Variants in RLN1 observed in about 807,000 individuals in gnomAD.
The protein encoded by RLN1 is relaxin 1, also known as prorelaxin H1.
In RLN1, 4 loss-of-function variants were observed where a neutral mutation model predicts 7.2. That is an observed-to-expected ratio of 0.56 (90% CI 0.28 to 1.28). The LOEUF is 1.28. Among genes scored for constraint, RLN1 ranks in the 50% most tolerant of loss-of-function variants. The pLI is 0.11. For missense variants in RLN1, 293 were observed against 221.1 expected, an observed-to-expected ratio of 1.32 and a Z score of -2.06; for synonymous variants, 105 against 86.0, an observed-to-expected ratio of 1.22 and a Z score of -1.22.
Position 5,335,273 on chromosome 9 carries a change from C to T in RLN1, c.536G>A (p.Arg179Lys), listed in dbSNP as rs867526609. The T allele has an allele frequency of 6.3e-7, 1 of 1,593,922 alleles. No individual in the cohort carries two copies. Among genetic ancestry groups the T allele is most frequent in the African/African-American group, 1.4e-5 (1 of 73,340 alleles). The change falls in exon 2 of 2, where the codon AGG becomes AAG. Residue 179 changes from arginine to lysine, a missense_variant. Arg to Lys is a conservative substitution (Grantham distance 26, BLOSUM62 2). Coordinates refer to ENST00000223862, the MANE Select transcript of RLN1 (RefSeq NM_006911.4). Reference sequence around the variant, plus strand: ...ATCTCAGCAATATTTAGCAAGAGACCTTTTGGTACAACCAATTAGGCAACA... The same window carrying T: ...ATCTCAGCAATATTTAGCAAGAGACTTTTTGGTACAACCAATTAGGCAACA... Reference protein sequence around the residue: ...EKCCLIGCTKRSLAKYC With the variant: ...EKCCLIGCTKKSLAKYC
At chr9:5,336,828 T>C (rs559340450) in intron 1 of RLN1, among the ~76,000 whole-genome samples, 1 of 152,046 alleles carries the variant, frequency 6.6e-6, no homozygotes, top group Non-Finnish European at 1.5e-5. Flanking sequence ...GGCAGACACC[T>C]GGTTAACCAC....
At chr9:5,338,114 T>A (rs1816936069) in intron 1 of RLN1, among the ~76,000 whole-genome samples, 1 of 136,404 alleles carries the variant, frequency 7.3e-6, no homozygotes, top group African/African-American at 2.8e-5. Flanking sequence ...CACATATACT[T>A]TTCAAAGTCC....
intron 1 of RLN1, among the ~76,000 whole-genome samples, chr9:5,337,429 G>C (rs1359281089): frequency 1.3e-5 from 2 of 151,974 alleles, no homozygotes; most frequent in East Asian, 3.8e-4. Context: ...AAAATATTCT[G>C]TCTGAATTCA....
At position 5,339,864 on chromosome 9, in the gene RLN1, C is replaced by T. The variant is rs9695268; in HGVS notation, c.-118G>A. The T allele has an allele frequency of 3.9e-3, 4,024 of 1,032,630 alleles. 141 individuals are homozygous for T. In the African/African-American group the frequency reaches 0.057, roughly 15 times the overall value. The allele number at this position is 1,032,630 out of a possible 1,614,324, so 64.0% of individuals were successfully genotyped here. On this transcript the variant is annotated 5_prime_UTR_variant, in exon 1 of 2. Transcript: ENST00000223862. ...CGGGCTTTAGGCTGCTTTCCCTACC[C>T]GGCTCAACCAGTCTTTAGTATGGGC...
At chr9:5,339,406 A>G (rs2131036149) in intron 1 of RLN1, 130 bp downstream of exon 1, 1 of 616,582 alleles carries the variant, frequency 1.6e-6, no homozygotes, top group East Asian at 2.8e-5. Flanking sequence ...GCCACGGCTG[A>G]GTAGGGGCTG....
At chr9:5,335,679 A>G (rs1816875458) in intron 1 of RLN1, 82 bp from the exon 2 acceptor site, 8 of 829,368 alleles carry the variant, frequency 9.6e-6, no homozygotes, top group South Asian at 1.8e-5. Context: ...GTTTGCATAC[A>G]CAAAGAAAAG....
At chr9:5,336,236 G>A (rs189397265) in intron 1 of RLN1, among the ~76,000 whole-genome samples, 33 of 152,028 alleles carry the variant, frequency 2.2e-4, no homozygotes, top group Non-Finnish European at 4.6e-4. Flanking sequence ...ATATGAAAGA[G>A]AGAAGTGGGT....
Position 5,339,587 on chromosome 9 carries a change from T to G in RLN1, c.160A>C (p.Lys54Gln). The change falls in exon 1 of 2, where the codon AAA (lysine) becomes CAA (glutamine). Residue 54 changes from lysine (K) to glutamine (Q), a missense_variant. Transcript: ENST00000223862. ...IAICGMSTWS[K>Q]RSLSQEDAPQ... ...GCATCTTCCTGGCTCAGAGACCTTT[T>G]GCTCCAGGTGCTCATGCCGCAAATG... 6.2e-7 allele frequency: 1 copy of G among 1,609,670 alleles called. No homozygotes were observed. Among genetic ancestry groups the G allele is most frequent in the South Asian group, 1.1e-5 (1 of 90,916 alleles).
rs1816945451 is a variant in RLN1, at chr9:5,339,484, A to C, written c.211+52T>G. 4 of 1,344,918 alleles carry C rather than the reference A, an allele frequency of 3.0e-6. No homozygotes were observed. The East Asian group carries it at 1.0e-4, about 34-fold the overall frequency. 83.3% of individuals were successfully genotyped at this position (1,344,918 alleles called of 1,614,324 possible). A position where few individuals can be genotyped will look rare whatever the true frequency, so the allele number is the denominator to read the frequency against. ...GCCGTTCCAATTGGGCGGCCGCCCCAGAGTAACCAATGGGAAGCGCGGGAA... is the reference window on the plus strand; with the variant it reads ...GCCGTTCCAATTGGGCGGCCGCCCCCGAGTAACCAATGGGAAGCGCGGGAA... On this transcript the variant is annotated intron_variant, in intron 1 of 1. Coordinates refer to ENST00000223862, the MANE Select transcript of RLN1 (RefSeq NM_006911.4).
chr9:5,336,110 A>T (rs1298833560), intron 1 of RLN1, among the ~76,000 whole-genome samples: 2 of 152,058 alleles, frequency 1.3e-5, no homozygotes, highest in Admixed American at 1.3e-4. Context: ...TTAAAGAGGC[A>T]GCATTTCCAA....
rs1185228578 is a variant in RLN1, at chr9:5,335,236, A to G, written c.*15T>C. On this transcript the variant is annotated 3_prime_UTR_variant, in exon 2 of 2. Transcript: ENST00000223862. ...TGTGTGAAAATTAGACAAGATGTGC[A>G]CAATTAGCTTCATCTCAGCAATATT... 6.6e-7 allele frequency: 1 copy of G among 1,506,704 alleles called. No individual in the cohort carries two copies. The highest frequency in any genetic ancestry group is 9.0e-7 in the Non-Finnish European group (1 of 1,109,222). The allele number at this position is 1,506,704 out of a possible 1,614,324, so 93.3% of individuals were successfully genotyped here.
intron 1 of RLN1, among the ~76,000 whole-genome samples, chr9:5,336,636 A>T (rs1816899978): frequency 6.6e-6 from 1 of 152,100 alleles, no homozygotes; most frequent in Non-Finnish European, 1.5e-5. Flanking sequence ...AATTATCCTA[A>T]TTATACAATT....
Position 5,335,417 on chromosome 9 carries a change from T to A in RLN1, c.392A>T (p.Lys131Ile). The change falls in exon 2 of 2, where the codon AAA becomes ATA. Residue 131 changes from lysine to isoleucine, a missense_variant. Coordinates refer to ENST00000223862, the MANE Select transcript of RLN1 (RefSeq NM_006911.4). ...TTCACTTTGCCTATTGCGAATAAGT[T>A]TCTTAAATTCTTCAAAGCTAAGATT... is the stretch of plus-strand genomic sequence containing the variant. ...DSNLSFEEFKKLIRNRQSEAA... is the reference protein window; with the variant it reads ...DSNLSFEEFKILIRNRQSEAA... The A allele has an allele frequency of 6.2e-7, 1 of 1,613,770 alleles. No homozygotes were observed. Among genetic ancestry groups the A allele is most frequent in the Non-Finnish European group, 8.5e-7 (1 of 1,179,834 alleles).
chr9:5,336,246 T>A (rs191925911), intron 1 of RLN1, among the ~76,000 whole-genome samples: 2 of 152,136 alleles, frequency 1.3e-5, no homozygotes, highest in Admixed American at 1.3e-4. Context: ...GAGAAGTGGG[T>A]TAAAAGATCA....
rs143938299 is a variant in RLN1, at chr9:5,335,559, T to G, written c.250A>C (p.Ile84Leu). The G allele has an allele frequency of 4.3e-6, 7 of 1,611,412 alleles. No homozygotes were observed. The highest frequency in any genetic ancestry group is 5.9e-6 in the Non-Finnish European group (7 of 1,178,716). Reference sequence around the variant, plus strand: ...GCAATGAATTCCAACATGATAATTATAGTTTCTGTATCTTTGTTGATGAAG... The same window carrying G: ...GCAATGAATTCCAACATGATAATTAGAGTTTCTGTATCTTTGTTGATGAAG... Reference protein sequence around the residue: ...PSFINKDTETIIIMLEFIANL... With the variant: ...PSFINKDTETLIIMLEFIANL... The change falls in exon 2 of 2, where the codon ATA becomes CTA. Residue 84 changes from isoleucine (I) to leucine (L), a missense_variant. Coordinates refer to ENST00000223862, the MANE Select transcript of RLN1 (RefSeq NM_006911.4).
At chr9:5,339,502 C>A (rs1392965029) in intron 1 of RLN1, 34 bp downstream of exon 1, 2 of 1,454,864 alleles carry the variant, frequency 1.4e-6, no homozygotes, top group South Asian at 1.2e-5. Flanking sequence ...CAATGGGAAG[C>A]GCGGGAAGGC....
At chr9:5,339,960 T>C (rs145837313), upstream of RLN1, 132 of 596,010 alleles carry the variant, frequency 2.2e-4, no homozygotes, top group Middle Eastern at 9.0e-4. Flanking sequence ...AATTTTCTCC[T>C]TCAGCTCTTG....
rs1816951584 is a variant in RLN1, at chr9:5,339,665, T to G, written c.82A>C (p.Lys28Gln). ...CCGCATAATTTAATAACATCGTCCT[T>G]CCATTTGGCCGCGACTGCTCTGGAA... is the stretch of plus-strand genomic sequence containing the variant. ...QFSRAVAAKW[K>Q]DDVIKLCGRE... is the part of the protein sequence containing the mutation. The change falls in exon 1 of 2, where the codon AAG (lysine) becomes CAG (glutamine). Residue 28 changes from lysine (K) to glutamine (Q), a missense_variant. By Grantham distance (53) the Lys-to-Gln change is moderately conservative. Transcript: ENST00000223862. 1 of 1,613,014 alleles carries G rather than the reference T, an allele frequency of 6.2e-7. No individual in the cohort carries two copies. The highest frequency in any genetic ancestry group is 8.5e-7 in the Non-Finnish European group (1 of 1,180,028).
upstream of RLN1, chr9:5,340,010 G>C (rs540197804): frequency 2.8e-5 from 14 of 499,776 alleles, no homozygotes; most frequent in African/African-American, 2.5e-4. Context: ...CCATTCCTCT[G>C]TCCTTGGCCC....
Sources: gnomAD v4.1 joint callset for allele counts (sites outside exome capture counted in the v4.1 genomes callset) on GRCh38, gnomAD v4.1.1 for gene constraint, MANE v1.5 for transcripts, NCBI Gene and HGNC (gene_info 2026-07-23, HGNC 2026-07-21) for gene names.